Variants in RORA observed in about 807,000 individuals in gnomAD.
RORA encodes the protein nuclear receptor ROR-alpha.
RORA carries 7 observed loss-of-function variants against 69.5 expected under a neutral mutation model. That is an observed-to-expected ratio of 0.10 (90% CI 0.06 to 0.19). RORA has a LOEUF of 0.19. Ranked by LOEUF, RORA falls within the 10% of genes least tolerant of loss-of-function variation. The pLI is 1.00. For missense variants in RORA, 457 were observed against 663.0 expected (o/e 0.69, Z 3.41); for synonymous variants, 261 against 240.8 (o/e 1.08, Z -0.78).
In RORA at chr15:60,771,820, G is replaced by T. The variant is rs149219615; in HGVS notation, c.167-93134C>A. ...TTGTCTCATCTGGGAGAAGGGCCTG[G>T]TTCCTCCCCTACCTCTCAGGATCAT... is the stretch of plus-strand genomic sequence containing the variant. On this transcript the variant is annotated intron_variant, in intron 1 of 10. Coordinates refer to ENST00000335670, the MANE Select transcript of RORA (RefSeq NM_134261.3). 2.6e-4 allele frequency among the ~76,000 whole-genome samples: 40 copies of T among 152,276 alleles called. No homozygotes were observed. In the East Asian group the frequency reaches 6.2e-3, roughly 24 times the overall value.
rs193008829 is a variant in RORA at position 60,710,286 on chromosome 15, C to T, written c.167-31600G>A. On this transcript the variant is annotated intron_variant, in intron 1 of 10. Transcript: ENST00000335670. ...GGTGGATCACCTGAGGTCAGGAGTTCGAGACCAGCCTGACCAACATGGAGA... is the reference window on the plus strand; with the variant it reads ...GGTGGATCACCTGAGGTCAGGAGTTTGAGACCAGCCTGACCAACATGGAGA... Among the ~76,000 whole-genome samples, 1,205 of 152,136 alleles carry T rather than the reference C, an allele frequency of 7.9e-3. 56 individuals carry two copies. Among genetic ancestry groups the T allele is most frequent in the Admixed American group, 0.067 (1,020 of 15,284 alleles).
intron 1 of RORA, among the ~76,000 whole-genome samples, chr15:60,978,244 T>C (rs1893934813): frequency 6.6e-6 from 1 of 152,210 alleles, no homozygotes; most frequent in African/African-American, 2.4e-5. Context: ...TGATTTGCAT[T>C]TTCCTAATGA....
chr15:61,201,369 C>A (rs528261666), intron 1 of RORA, among the ~76,000 whole-genome samples: 1 of 152,300 alleles, frequency 6.6e-6, no homozygotes, highest in South Asian at 2.1e-4. Flanking sequence ...TCAGGTCAAA[C>A]AAACCACTAA....
At chr15:60,742,035 G>A (rs976402894) in intron 1 of RORA, among the ~76,000 whole-genome samples, 1 of 152,040 alleles carries the variant, frequency 6.6e-6, no homozygotes, top group African/African-American at 2.4e-5. Context: ...CCTCCAAGAA[G>A]CCATTCTAGA....
At chr15:60,751,434 G>A (rs181271271) in intron 1 of RORA, among the ~76,000 whole-genome samples, 4 of 152,244 alleles carry the variant, frequency 2.6e-5, no homozygotes, top group African/African-American at 7.2e-5. Flanking sequence ...TAATAATGAC[G>A]ATAAGCTAGC....
At position 60,887,791 on chromosome 15, in the gene RORA, G is replaced by A. The variant is rs913615513; in HGVS notation, c.167-209105C>T. Among the ~76,000 whole-genome samples the A allele has an allele frequency of 4.7e-4, 72 of 152,136 alleles. 1 individual carries two copies. The highest frequency in any genetic ancestry group is 1.7e-3 in the African/African-American group (71 of 41,416). On this transcript the variant is annotated intron_variant, in intron 1 of 10. Transcript: ENST00000335670. ...GCAAACACTGAATCATGACCTTGCCGGCACCTTGCTGCGGGCATCAGCAGG... is the reference window on the plus strand; with the variant it reads ...GCAAACACTGAATCATGACCTTGCCAGCACCTTGCTGCGGGCATCAGCAGG...
chr15:60,779,795 AT>A (rs1453389639), intron 1 of RORA, among the ~76,000 whole-genome samples: 1 of 152,196 alleles, frequency 6.6e-6, no homozygotes, highest in Non-Finnish European at 1.5e-5. Context: ...ATAAGCACTG[AT>A]ATTCTTTCCA....
In RORA at chr15:60,497,396, TTTTG is replaced by T. The variant is rs1410288656; in HGVS notation, c.*55_*58del. On this transcript the variant is annotated 3_prime_UTR_variant, in exon 11 of 11. Coordinates refer to ENST00000335670, the MANE Select transcript of RORA (RefSeq NM_134261.3). Reference sequence around the variant, plus strand: ...CCATATAAAGTGTCTCGGTTAATTTTTTTGTTTGTTTTTCATGTTTGTACTTCAG... The same window carrying T: ...CCATATAAAGTGTCTCGGTTAATTTTTTTGTTTTTCATGTTTGTACTTCAG... 2.0e-5 allele frequency: 30 copies of T among 1,512,470 alleles called. No individual in the cohort carries two copies. In the African/African-American group the frequency reaches 2.5e-4, roughly 12 times the overall value. The allele number at this position is 1,512,470 out of a possible 1,614,324, so 93.7% of individuals were successfully genotyped here.
intron 1 of RORA, among the ~76,000 whole-genome samples, chr15:60,970,625 C>T (rs1309570365): frequency 6.6e-6 from 1 of 152,160 alleles, no homozygotes; most frequent in Non-Finnish European, 1.5e-5. Context: ...CAGCATTGGG[C>T]TGCTGAGAAA....
intron 1 of RORA, among the ~76,000 whole-genome samples, chr15:61,152,921 A>G (rs28642903): frequency 0.04 from 6,125 of 152,252 alleles, 419 homozygotes; most frequent in African/African-American, 0.14. Context: ...CTGAAGAGCT[A>G]CTTTCATGGA....
chr15:60,761,289 T>C (rs187863385), intron 1 of RORA, among the ~76,000 whole-genome samples: 125 of 152,216 alleles, frequency 8.2e-4, no homozygotes, highest in African/African-American at 1.3e-3. Context: ...ATCACAGATG[T>C]ATTATCAATT....
chr15:60,993,954 T>C (rs1894457439), intron 1 of RORA, among the ~76,000 whole-genome samples: 1 of 152,158 alleles, frequency 6.6e-6, no homozygotes, highest in Admixed American at 6.5e-5. Flanking sequence ...AAATATAATC[T>C]CTATCTAAAA....
At chr15:60,846,380 C>G (rs987014693) in intron 1 of RORA, among the ~76,000 whole-genome samples, 1 of 152,202 alleles carries the variant, frequency 6.6e-6, no homozygotes, top group East Asian at 1.9e-4. Flanking sequence ...TTCAAAGCAA[C>G]AGGTTTCTCT....
chr15:60,711,758 G>A (rs1381634460), intron 1 of RORA, among the ~76,000 whole-genome samples: 1 of 152,174 alleles, frequency 6.6e-6, no homozygotes, highest in Non-Finnish European at 1.5e-5. Flanking sequence ...TGGGGAAGAT[G>A]ATTTAACCTT....
intron 2 of RORA, among the ~76,000 whole-genome samples, chr15:60,655,171 T>G (rs936561885): frequency 2.6e-5 from 4 of 151,946 alleles, no homozygotes; most frequent in African/African-American, 9.7e-5. Flanking sequence ...TTTTAAATTT[T>G]TATTTATTTA....
At chr15:60,601,903 T>A (rs1360959737) in intron 2 of RORA, among the ~76,000 whole-genome samples, 1 of 152,104 alleles carries the variant, frequency 6.6e-6, no homozygotes, top group Non-Finnish European at 1.5e-5. Flanking sequence ...AGTAAAATAT[T>A]AGTAAAATAA....
At chr15:61,153,551 C>T (rs867018180) in intron 1 of RORA, among the ~76,000 whole-genome samples, 1 of 152,164 alleles carries the variant, frequency 6.6e-6, no homozygotes, top group Non-Finnish European at 1.5e-5. Flanking sequence ...TGGCTGTTAA[C>T]GGGCTTTATT....
At chr15:61,076,746 G>C (rs2078455410) in intron 1 of RORA, among the ~76,000 whole-genome samples, 3 of 152,148 alleles carry the variant, frequency 2.0e-5, no homozygotes, top group Non-Finnish European at 4.4e-5. Context: ...CAACCTAATG[G>C]CATGTGAGTC....
At chr15:60,856,619 A>C (rs942573944) in intron 1 of RORA, among the ~76,000 whole-genome samples, 1 of 152,214 alleles carries the variant, frequency 6.6e-6, no homozygotes, top group African/African-American at 2.4e-5. Context: ...AACATTTTAC[A>C]TCATGCTTGA....
Sources: gnomAD v4.1 joint callset for allele counts (sites outside exome capture counted in the v4.1 genomes callset) on GRCh38, gnomAD v4.1.1 for gene constraint, MANE v1.5 for transcripts, NCBI Gene and HGNC (gene_info 2026-07-23, HGNC 2026-07-21) for gene names.